Variants in STX8 observed in about 807,000 individuals in gnomAD.
STX8 encodes syntaxin-8.
In STX8, 23 loss-of-function variants were observed where a neutral mutation model predicts 37.5. The ratio of observed to expected loss-of-function variants is 0.61; its 90% CI spans 0.44 to 0.87. The LOEUF (loss-of-function observed/expected upper bound fraction) is 0.87, where lower values mean the gene tolerates loss of function less well. STX8 is among the 40% of genes least tolerant of loss of function. The probability of loss-of-function intolerance (pLI) is 0.00; values close to 1 mark genes in which losing one functional copy is unlikely to be tolerated. For missense variants in STX8, 313 were observed against 284.7 expected, an observed-to-expected ratio of 1.10 and a Z score of -0.71; for synonymous variants, 115 against 99.1, an observed-to-expected ratio of 1.16 and a Z score of -0.95.
intron 3 of STX8, chr17:9,547,260 AAAAAAAG>A (rs1317330104): frequency 1.3e-5 from 2 of 148,910 alleles, no homozygotes; most frequent in African/African-American, 5.0e-5. Flanking sequence ...AAAAAAAAAA[AAAAAAAG>A]AAAAAAGAAA....
At chr17:9,321,628 T>C (rs2142205073) in intron 7 of STX8, among the ~76,000 whole-genome samples, 1 of 151,646 alleles carries the variant, frequency 6.6e-6, no homozygotes, top group African/African-American at 2.4e-5. Flanking sequence ...CAAGCGGTTC[T>C]CCTGCCTCAG....
In STX8 at chr17:9,393,193, T is replaced by A. The variant is rs72816165; in HGVS notation, c.542-14540A>T. Among the ~76,000 whole-genome samples, 608 of 152,142 alleles carry A rather than the reference T, an allele frequency of 4.0e-3. 4 individuals are homozygous for A. The highest frequency in any genetic ancestry group is 6.6e-3 in the Non-Finnish European group (450 of 67,980). On this transcript the variant is annotated intron_variant, in intron 6 of 7. Transcript: ENST00000306357. ...AAAAATCAGAGGCCAGAAGGAAGTA[T>A]AGCACCAGTTTTAAAGTGCTGAAAG...
chr17:9,369,210 T>G (rs1911326532), intron 7 of STX8, among the ~76,000 whole-genome samples: 1 of 152,224 alleles, frequency 6.6e-6, no homozygotes, highest in African/African-American at 2.4e-5. Context: ...AAGATGGTTT[T>G]GAAGGCAGAT....
Position 9,285,723 on chromosome 17 carries a change from G to C in STX8, c.644-35078C>G, listed in dbSNP as rs905862560. On this transcript the variant is annotated intron_variant, in intron 7 of 7. Transcript: ENST00000306357. ...AATTGTTACATGCTGGTTATATCAT[G>C]CCTGAAAATTGCAAATGAAACTAGT... Among the ~76,000 whole-genome samples the C allele has an allele frequency of 3.7e-4, 56 of 152,214 alleles. 1 individual carries two copies. The highest frequency in any genetic ancestry group is 1.5e-5 in the Non-Finnish European group (1 of 68,040).
intron 6 of STX8, among the ~76,000 whole-genome samples, chr17:9,384,129 T>A (rs1281938344): frequency 6.7e-6 from 1 of 148,594 alleles, no homozygotes; most frequent in Non-Finnish European, 1.5e-5. Context: ...ATTTGTTATT[T>A]TTTTTTTTTT....
At chr17:9,436,305 A>G (rs2142378858) in intron 6 of STX8, among the ~76,000 whole-genome samples, 1 of 151,206 alleles carries the variant, frequency 6.6e-6, no homozygotes, top group East Asian at 1.9e-4. Flanking sequence ...AGATCGTGCC[A>G]CTGCGCTCCA....
intron 6 of STX8, among the ~76,000 whole-genome samples, chr17:9,482,880 C>T (rs1906404280): frequency 1.3e-5 from 2 of 152,220 alleles, no homozygotes; most frequent in South Asian, 2.1e-4. Context: ...CGCCACTGCA[C>T]TACAGCCTGG....
chr17:9,375,892 A>G (rs1911562601), intron 7 of STX8, among the ~76,000 whole-genome samples: 1 of 152,148 alleles, frequency 6.6e-6, no homozygotes, highest in African/African-American at 2.4e-5. Flanking sequence ...GCAGCTAGAG[A>G]GAGTTCGTGA....
chr17:9,474,988 CA>C lies in STX8; in HGVS notation c.541+16840del, dbSNP rs569919389. ...CTCTGTAGCAAAAAACAAAAACAAA[CA>C]AAAAAAACTTGTTTTACTGAAGCCT... On this transcript the variant is annotated intron_variant, in intron 6 of 7. Transcript: ENST00000306357. Among the ~76,000 whole-genome samples, 4 of 151,842 alleles carry C rather than the reference CA, an allele frequency of 2.6e-5. 1 individual carries two copies. Among genetic ancestry groups the C allele is most frequent in the East Asian group, 1.9e-4 (1 of 5,152 alleles).
Position 9,259,776 on chromosome 17 carries a change from G to A in STX8, c.644-9131C>T, listed in dbSNP as rs1347394927. Among the ~76,000 whole-genome samples the A allele has an allele frequency of 3.9e-5, 6 of 152,122 alleles. No individual in the cohort carries two copies. In the East Asian group the frequency reaches 1.2e-3, roughly 29 times the overall value. ...GGGGTCACAGGCAGGAGGAGGAGAAGGTTAAAGCAAACCACAAGGAGCACC... is the reference window on the plus strand; with the variant it reads ...GGGGTCACAGGCAGGAGGAGGAGAAAGTTAAAGCAAACCACAAGGAGCACC... On this transcript the variant is annotated intron_variant, in intron 7 of 7. Transcript: ENST00000306357.
intron 7 of STX8, among the ~76,000 whole-genome samples, chr17:9,366,447 G>A (rs1365728321): frequency 6.6e-6 from 1 of 152,144 alleles, no homozygotes; most frequent in Non-Finnish European, 1.5e-5. Flanking sequence ...GGCCAGGCTG[G>A]TCTTGAACTC....
intron 6 of STX8, among the ~76,000 whole-genome samples, chr17:9,465,793 G>A (rs557305180): frequency 1.3e-5 from 2 of 152,138 alleles, no homozygotes; most frequent in African/African-American, 2.4e-5. Context: ...GCATATACGC[G>A]ATCCCATTTA....
chr17:9,520,519 T>C (rs771246330), intron 4 of STX8, among the ~76,000 whole-genome samples: 13 of 152,352 alleles, frequency 8.5e-5, no homozygotes, highest in Non-Finnish European at 1.5e-4. Context: ...GATGAAACTT[T>C]TCAAATAAAT....
chr17:9,271,208 C>T (rs1907444528), intron 7 of STX8, among the ~76,000 whole-genome samples: 1 of 152,216 alleles, frequency 6.6e-6, no homozygotes, highest in African/African-American at 2.4e-5. Context: ...AATCCCAAAA[C>T]TTTGGGAGGC....
At chr17:9,386,637 T>C (rs1409867568) in intron 6 of STX8, among the ~76,000 whole-genome samples, 3 of 150,880 alleles carry the variant, frequency 2.0e-5, no homozygotes, top group Non-Finnish European at 2.9e-5. Flanking sequence ...ATTTCAGACC[T>C]GCAAGAGTCA....
At chr17:9,370,285 T>C (rs1296629316) in intron 7 of STX8, among the ~76,000 whole-genome samples, 1 of 152,186 alleles carries the variant, frequency 6.6e-6, no homozygotes, top group Non-Finnish European at 1.5e-5. Flanking sequence ...CTAGTACTAG[T>C]CATTGTGCCA....
At chr17:9,304,944 T>C (rs1263190035) in intron 7 of STX8, among the ~76,000 whole-genome samples, 2 of 151,430 alleles carry the variant, frequency 1.3e-5, no homozygotes, top group African/African-American at 4.9e-5. Flanking sequence ...TATATATATA[T>C]ATACAGTCCC....
chr17:9,461,876 A>ATCAGGCATTAGATTC (rs1567571329), intron 6 of STX8, among the ~76,000 whole-genome samples: 1 of 152,144 alleles, frequency 6.6e-6, no homozygotes. Flanking sequence ...CTGACAGATC[A>ATCAGGCATTAGATTC]TCAGGCATTA....
At position 9,491,908 on chromosome 17, in the gene STX8, G is replaced by T; in HGVS notation, c.462C>A (p.Gly154=). The change falls in exon 6 of 8, where the codon GGC becomes GGA. Residue 154 remains glycine, a synonymous_variant. Transcript: ENST00000306357. ...QQKIIQEQDA[G]LDALSSIISR... is the part of the protein sequence containing the mutation. ...TTATGATAGAGGAAAGGGCATCAAG[G>T]CCTGCGTCCTGTTCTGAAAGAAAAA... 1 of 1,612,020 alleles carries T rather than the reference G, an allele frequency of 6.2e-7. No homozygotes were observed.
Sources: allele counts gnomAD v4.1 joint callset (sites outside exome capture counted in the v4.1 genomes callset), GRCh38; gene constraint gnomAD v4.1.1; transcripts MANE v1.5; gene names NCBI Gene and HGNC (gene_info 2026-07-23, HGNC 2026-07-21).